Variants in DLG3 observed in about 807,000 individuals in gnomAD.
DLG3 encodes the protein discs large MAGUK scaffold protein 3, also known as disks large homolog 3.
A neutral mutation model predicts 64.1 loss-of-function variants in DLG3; 1 was observed. The observed-to-expected ratio is 0.02, with a 90% CI of 0.01 to 0.07. The LOEUF is 0.07. DLG3 is among the 10% of genes least tolerant of loss of function. The pLI is 1.00. For synonymous variants in DLG3, 245 were observed against 259.8 expected, an observed-to-expected ratio of 0.94 and a Z score of 0.55; for missense variants, 429 against 669.5, an observed-to-expected ratio of 0.64 and a Z score of 3.96.
chrX:70,479,298 T>TCTGAA, intron 10 of DLG3, 34 bp downstream of exon 10: 1 of 1,078,128 alleles, frequency 9.3e-7, no homozygotes, highest in Non-Finnish European at 1.3e-6. Flanking sequence ...GCCCTTGTGC[T>TCTGAA]GGACGAGGAG....
At chrX:70,487,712 C>T (rs779176026) in intron 10 of DLG3, among the ~76,000 whole-genome samples, 19 of 111,724 alleles carry the variant, frequency 1.7e-4, no homozygotes, top group Admixed American at 9.4e-4. Flanking sequence ...AGTGCAATGG[C>T]GCGATCTCGG....
chrX:70,480,797 G>C (rs1166195537), intron 10 of DLG3, among the ~76,000 whole-genome samples: 1 of 112,135 alleles, frequency 8.9e-6, no homozygotes, highest in East Asian at 2.8e-4. Context: ...AGTTTCTTTG[G>C]AGAGCTTTAT....
chrX:70,484,309 A>G (rs1374958713), intron 10 of DLG3, among the ~76,000 whole-genome samples: 1 of 111,862 alleles, frequency 8.9e-6, no homozygotes, highest in East Asian at 2.8e-4. Flanking sequence ...GAGCATCTGT[A>G]GTCTTGATTC....
At chrX:70,448,881 G>A (rs748725503) in intron 1 of DLG3, 32 bp from the exon 2 acceptor site, 2 of 1,202,146 alleles carry the variant, frequency 1.7e-6, no homozygotes, top group Middle Eastern at 2.4e-4. Context: ...AGGGCAGGGG[G>A]CACTAAGGGA....
At chrX:70,462,741 T>A (rs1238554337) in intron 9 of DLG3, among the ~76,000 whole-genome samples, 1 of 112,197 alleles carries the variant, frequency 8.9e-6, no homozygotes, top group African/African-American at 3.2e-5. Flanking sequence ...TTAGGTGATA[T>A]ATGCTTAGGA....
Position 70,445,542 on chromosome X carries a change from G to C in DLG3, c.341G>C (p.Arg114Pro), listed in dbSNP as rs759162614. 9.7e-5 allele frequency: 115 copies of C among 1,181,364 alleles called. No individual in the cohort carries two copies. The highest frequency in any genetic ancestry group is 1.2e-4 in the Non-Finnish European group (106 of 880,755). The stretch of plus-strand genomic sequence containing the variant: ...TGGCCAGAGTGCACCTGTACCAACC[G>C]GGACTGGTATGAGCAGGTATGGACC... ...SWWPECTCTN[R>P]DWYEQVNGSD... Residue 114 changes from arginine (R) to proline (P), a missense_variant, in exon 1 of 19, where the codon CGG (arginine) becomes CCG (proline). Physicochemically the swap from Arg to Pro is moderately radical, Grantham distance 103. This residue lies in a region of DLG3 where 123 missense variants were observed against 113.3 expected (regional missense o/e 1.09). Coordinates refer to ENST00000374360, the MANE Select transcript of DLG3 (RefSeq NM_021120.4).
chrX:70,465,056 T>A (rs1384661726), intron 9 of DLG3, among the ~76,000 whole-genome samples: 1 of 112,055 alleles, frequency 8.9e-6, no homozygotes, highest in Non-Finnish European at 1.9e-5. Flanking sequence ...TCCTTTGGAT[T>A]TTCAAAAAGG....
At chrX:70,492,332 ATTTC>A (rs2087373191) in intron 11 of DLG3, 49 bp downstream of exon 11, 1 of 1,194,731 alleles carries the variant, frequency 8.4e-7, no homozygotes, top group African/African-American at 1.8e-5. Context: ...TCTTGCTGGT[ATTTC>A]TTTCTTGTTT....
At chrX:70,477,710 G>A (rs1432727396) in intron 9 of DLG3, among the ~76,000 whole-genome samples, 1 of 111,887 alleles carries the variant, frequency 8.9e-6, no homozygotes, top group Non-Finnish European at 1.9e-5. Flanking sequence ...CCATAACACC[G>A]GCGTGTGATG....
intron 9 of DLG3, among the ~76,000 whole-genome samples, chrX:70,472,206 T>C (rs2086982014): frequency 8.9e-6 from 1 of 111,961 alleles, no homozygotes. Flanking sequence ...TGTTTTATGC[T>C]GTTTTAGACA....
chrX:70,500,175 C>T, intron 16 of DLG3, 126 bp downstream of exon 16: 1 of 606,603 alleles, frequency 1.6e-6, no homozygotes, highest in Non-Finnish European at 2.6e-6. Context: ...AGCACATCTG[C>T]ATACTCCCAG....
intron 10 of DLG3, among the ~76,000 whole-genome samples, chrX:70,483,174 C>G (rs2087195490): frequency 9.0e-6 from 1 of 111,143 alleles, no homozygotes; most frequent in Non-Finnish European, 1.9e-5. Context: ...GTCCCAGCTA[C>G]TCAGGGGGCT....
chrX:70,473,859 A>G (rs1422575713), intron 9 of DLG3, among the ~76,000 whole-genome samples: 1 of 112,085 alleles, frequency 8.9e-6, no homozygotes, highest in Non-Finnish European at 1.9e-5. Flanking sequence ...CTCCCAAAGC[A>G]TTGGGATTAC....
At position 70,448,894 on chromosome X, in the gene DLG3, T is replaced by A. The variant is rs1309498587; in HGVS notation, c.358-19T>A. On this transcript the variant is annotated intron_variant, in intron 1 of 18. Coordinates refer to ENST00000374360, the MANE Select transcript of DLG3 (RefSeq NM_021120.4). ...GAAGGGCAGGGGGCACTAAGGGAAC[T>A]GCCTGTGTCTCCCCCTAGGTGAATG... The A allele has an allele frequency of 1.7e-6, 2 of 1,205,412 alleles. No homozygotes were observed. Among genetic ancestry groups the A allele is most frequent in the African/African-American group, 3.5e-5 (2 of 56,866 alleles).
Position 70,450,709 on chromosome X carries a change from T to C in DLG3, c.911T>C (p.Met304Thr). ...GCCTCACTGAAGAACACATCTGATA[T>C]GGTGTATTTGAAGGTGGCCAAGCCA... The part of the protein sequence containing the change: ...AVASLKNTSD[M>T]VYLKVAKPGS... Residue 304 changes from methionine (M) to threonine (T), a missense_variant, in exon 6 of 19, where the codon ATG (methionine) becomes ACG (threonine). Coordinates refer to ENST00000374360, the MANE Select transcript of DLG3 (RefSeq NM_021120.4). 1 of 1,211,183 alleles carries C rather than the reference T, an allele frequency of 8.3e-7. No individual in the cohort carries two copies. Among genetic ancestry groups the C allele is most frequent in the Non-Finnish European group, 1.1e-6 (1 of 895,225 alleles).
At chrX:70,472,634 G>C (rs1381898773) in intron 9 of DLG3, among the ~76,000 whole-genome samples, 1 of 111,897 alleles carries the variant, frequency 8.9e-6, no homozygotes, top group Non-Finnish European at 1.9e-5. Flanking sequence ...AGGGCTAGCT[G>C]GTTTGGATGC....
intron 10 of DLG3, among the ~76,000 whole-genome samples, chrX:70,484,023 G>A (rs770660503): frequency 7.1e-5 from 8 of 112,227 alleles, no homozygotes; most frequent in Non-Finnish European, 1.5e-4. Context: ...AAGACACTGA[G>A]TAAGTTAGAG....
intron 9 of DLG3, among the ~76,000 whole-genome samples, chrX:70,460,006 C>T (rs1469360186): frequency 9.0e-6 from 1 of 111,112 alleles, no homozygotes; most frequent in Non-Finnish European, 1.9e-5. Flanking sequence ...ACTCCCAGGC[C>T]GGGCGCGGTG....
Position 70,502,397 on chromosome X carries a change from A to G in DLG3, c.*128A>G. On this transcript the variant is annotated 3_prime_UTR_variant, in exon 19 of 19. Coordinates refer to ENST00000374360, the MANE Select transcript of DLG3 (RefSeq NM_021120.4). ...CTTGTCCCCTTTTTTAGATATGTCA[A>G]AAAAAATTAAGTTTTCTAGTCCTGT... is the stretch of plus-strand genomic sequence containing the variant. The G allele has an allele frequency of 1.9e-6, 1 of 520,260 alleles. No individual in the cohort carries two copies. 42.9% of individuals were successfully genotyped at this position (520,260 alleles called of 1,213,427 possible). A position where few individuals can be genotyped will look rare whatever the true frequency, so the allele number is the denominator to read the frequency against.
Sources: allele counts gnomAD v4.1 joint callset (sites outside exome capture counted in the v4.1 genomes callset), GRCh38; gene constraint gnomAD v4.1.1; regional missense constraint gnomAD v4.1.1; transcripts MANE v1.5; gene names NCBI Gene and HGNC (gene_info 2026-07-23, HGNC 2026-07-21).